The following COLQ variants were observed in gnomAD, a reference collection of about 807,000 sequenced individuals.
COLQ encodes the protein collagen like tail subunit of asymmetric acetylcholinesterase, also known as acetylcholinesterase collagenic tail peptide.
A neutral mutation model predicts 69.0 loss-of-function variants in COLQ; 48 were observed. The ratio of observed to expected loss-of-function variants is 0.70; its 90% CI spans 0.55 to 0.88. The LOEUF (loss-of-function observed/expected upper bound fraction) is 0.88. COLQ is among the 40% of genes least tolerant of loss of function. The pLI is 0.00. For synonymous variants in COLQ, 217 were observed against 211.2 expected (o/e 1.03, Z -0.24); for missense variants, 618 against 594.6 (o/e 1.04, Z -0.41).
At chr3:15,476,266 T>A (rs1425718707) in intron 6 of COLQ, among the ~76,000 whole-genome samples, 1 of 152,246 alleles carries the variant, frequency 6.6e-6, no homozygotes, top group African/African-American at 2.4e-5. Context: ...GATTCATGCA[T>A]TCAAGTTGCT....
intron 3 of COLQ, among the ~76,000 whole-genome samples, chr3:15,483,811 G>C (rs2062529972): frequency 6.6e-6 from 1 of 152,086 alleles, no homozygotes; most frequent in Non-Finnish European, 1.5e-5. Flanking sequence ...TTGACAGTGG[G>C]GTGTTGAAGT....
intron 1 of COLQ, among the ~76,000 whole-genome samples, chr3:15,492,575 G>A (rs1291098870): frequency 6.6e-6 from 1 of 152,054 alleles, no homozygotes; most frequent in Admixed American, 6.5e-5. Flanking sequence ...GCTGAGGTGG[G>A]AGAATGGCGT....
In COLQ at chr3:15,466,293, C is replaced by T. The variant is rs760866166; in HGVS notation, c.814+48G>A. 4.3e-6 allele frequency: 6 copies of T among 1,380,384 alleles called. No homozygotes were observed. In the South Asian group the frequency reaches 5.8e-5, roughly 13 times the overall value. 85.5% of individuals were successfully genotyped at this position (1,380,384 alleles called of 1,614,324 possible). A position where few individuals can be genotyped will look rare whatever the true frequency, so the allele number is the denominator to read the frequency against. ...ATCTCCTTGTGCCCTCTCTGGGAGG[C>T]TGGCCAGTACTCCAACAGTGGATCA... On this transcript the variant is annotated intron_variant, in intron 12 of 16. Transcript: ENST00000383788.
Position 15,459,580 on chromosome 3 carries a change from G to A in COLQ, c.815-1255C>T, listed in dbSNP as rs146853526. Among the ~76,000 whole-genome samples the A allele has an allele frequency of 4.3e-4, 64 of 150,584 alleles. 2 individuals are homozygous for A. The East Asian group carries it at 9.4e-3, about 22-fold the overall frequency. ...TGCAACCTCCGCCTCTCAGGTTCAA[G>A]TGATTCTCCTGCCTCAACCTCCTGA... On this transcript the variant is annotated intron_variant, in intron 12 of 16. Coordinates refer to ENST00000383788, the MANE Select transcript of COLQ (RefSeq NM_005677.4).
intron 1 of COLQ, among the ~76,000 whole-genome samples, chr3:15,492,378 T>C (rs979374161): frequency 3.9e-5 from 6 of 152,122 alleles, no homozygotes; most frequent in African/African-American, 1.2e-4. Context: ...TTAAAAATGC[T>C]GCATAAGGCC....
At chr3:15,520,233 G>A (rs1380024567) in intron 1 of COLQ, among the ~76,000 whole-genome samples, 1 of 152,224 alleles carries the variant, frequency 6.6e-6, no homozygotes, top group African/African-American at 2.4e-5. Flanking sequence ...TGAATTTGCA[G>A]GGGCATGTGG....
intron 1 of COLQ, among the ~76,000 whole-genome samples, chr3:15,504,711 T>C (rs2062882227): frequency 2.6e-5 from 4 of 151,912 alleles, no homozygotes; most frequent in Admixed American, 2.6e-4. Context: ...AATACAAAAA[T>C]TAGCCAGGTG....
intron 11 of COLQ, chr3:15,467,811 T>C (rs919876845): frequency 2.6e-5 from 12 of 455,302 alleles, no homozygotes; most frequent in Non-Finnish European, 4.9e-5. Flanking sequence ...GCAGGCAGGC[T>C]TGGGACTCCT....
intron 1 of COLQ, chr3:15,499,005 TAAGCC>T: frequency 1.8e-6 from 2 of 1,099,504 alleles, no homozygotes; most frequent in Non-Finnish European, 2.2e-6. Flanking sequence ...ACTGCTCTGG[TAAGCC>T]TCAAAGTCAA....
chr3:15,475,059 T>G, intron 7 of COLQ, 108 bp from the exon 8 acceptor site: 3 of 1,232,458 alleles, frequency 2.4e-6, no homozygotes, highest in Non-Finnish European at 3.6e-6. Flanking sequence ...GTCTCCACAT[T>G]GCACTGTGAG....
intron 16 of COLQ, among the ~76,000 whole-genome samples, 199 bp from the exon 17 acceptor site, chr3:15,451,912 A>G (rs1019112914): frequency 6.6e-6 from 1 of 152,096 alleles, no homozygotes; most frequent in African/African-American, 2.4e-5. Flanking sequence ...GCCTGGGTGG[A>G]AGGAGGTGGT....
chr3:15,508,325 G>A (rs964004508), intron 1 of COLQ, among the ~76,000 whole-genome samples: 8 of 152,212 alleles, frequency 5.3e-5, no homozygotes, highest in Non-Finnish European at 8.8e-5. Flanking sequence ...GCCTACAACC[G>A]GAATGTTGCC....
chr3:15,469,960 C>T (rs763323488), intron 11 of COLQ, among the ~76,000 whole-genome samples: 1 of 152,242 alleles, frequency 6.6e-6, no homozygotes. Flanking sequence ...ACAGCTAAGG[C>T]TGTCTCTAGA....
At chr3:15,464,592 A>C (rs1244818260) in intron 12 of COLQ, among the ~76,000 whole-genome samples, 1 of 152,224 alleles carries the variant, frequency 6.6e-6, no homozygotes, top group Non-Finnish European at 1.5e-5. Flanking sequence ...GATCTAACAA[A>C]ATATGACATT....
chr3:15,515,705 C>T (rs1448887150), intron 1 of COLQ, among the ~76,000 whole-genome samples: 1 of 152,132 alleles, frequency 6.6e-6, no homozygotes, highest in African/African-American at 2.4e-5. Flanking sequence ...ACTCCGGAGA[C>T]TGAGGCTGGA....
chr3:15,512,274 G>A (rs68146283), intron 1 of COLQ, among the ~76,000 whole-genome samples: 21,001 of 152,058 alleles, frequency 0.14, 1,983 homozygotes, highest in East Asian at 0.44. Context: ...TTTGCAGCCC[G>A]CAGCTGGTTG....
rs868483312 is a variant in COLQ, at chr3:15,505,221, G to A, written c.107-15584C>T. Among the ~76,000 whole-genome samples the A allele has an allele frequency of 6.1e-4, 93 of 152,296 alleles. No homozygotes were observed. In the Middle Eastern group the frequency reaches 0.01, roughly 17 times the overall value. The stretch of plus-strand genomic sequence containing the variant: ...GGAGGAACCTGAAGCCGCTCATTGA[G>A]AGGCCTTGAGCAGGTCATTGAATCA... On this transcript the variant is annotated intron_variant, in intron 1 of 16. Transcript: ENST00000383788.
At chr3:15,506,367 G>T (rs2062911185) in intron 1 of COLQ, among the ~76,000 whole-genome samples, 1 of 152,164 alleles carries the variant, frequency 6.6e-6, no homozygotes, top group Admixed American at 6.5e-5. Context: ...TTACATGCAT[G>T]TGATTCAAAA....
At chr3:15,516,857 A>G (rs2063069844) in intron 1 of COLQ, among the ~76,000 whole-genome samples, 1 of 152,220 alleles carries the variant, frequency 6.6e-6, no homozygotes, top group Admixed American at 6.5e-5. Flanking sequence ...AATGGAAAAT[A>G]AAGAATCCAG....
Sources: allele counts gnomAD v4.1 joint callset (sites outside exome capture counted in the v4.1 genomes callset), GRCh38; gene constraint gnomAD v4.1.1; transcripts MANE v1.5; gene names NCBI Gene and HGNC (gene_info 2026-07-23, HGNC 2026-07-21).